Variants in DHRSX observed in about 807,000 individuals in gnomAD.
The protein encoded by DHRSX is polyprenol dehydrogenase.
Under a neutral mutation model 34.0 loss-of-function variants are expected in DHRSX, and 31 were observed. The ratio of observed to expected loss-of-function variants is 0.91; its 90% CI spans 0.69 to 1.23. The LOEUF is 1.23. DHRSX is among the 50% of genes most tolerant of loss of function. The pLI is 0.00. For synonymous variants in DHRSX, 201 were observed against 183.8 expected, an observed-to-expected ratio of 1.09 and a Z score of -0.76; for missense variants, 414 against 428.1, an observed-to-expected ratio of 0.97 and a Z score of 0.29.
chrX:2,348,727 C>G (rs1052211515), intron 3 of DHRSX, among the ~76,000 whole-genome samples: 1 of 151,050 alleles, frequency 6.6e-6, no homozygotes, highest in African/African-American at 2.4e-5. Flanking sequence ...GTTGAGAGAG[C>G]CTGTTGCCCA....
intron 3 of DHRSX, among the ~76,000 whole-genome samples, chrX:2,351,765 G>C (rs1355573107): frequency 1.3e-5 from 2 of 152,200 alleles, no homozygotes; most frequent in Non-Finnish European, 2.9e-5. Flanking sequence ...TGTCGCCCAG[G>C]CTGGAGTGCA....
intron 3 of DHRSX, among the ~76,000 whole-genome samples, chrX:2,297,072 A>G (rs1003670082): frequency 1.3e-5 from 2 of 152,072 alleles, no homozygotes; most frequent in Non-Finnish European, 2.9e-5. Flanking sequence ...AGCTGTGAGC[A>G]TCATCTTGGG....
At chrX:2,379,604 T>TTTG (rs2124609061) in intron 3 of DHRSX, among the ~76,000 whole-genome samples, 1 of 149,346 alleles carries the variant, frequency 6.7e-6, no homozygotes, top group Non-Finnish European at 1.5e-5. Context: ...GGTTTTTTTT[T>TTTG]TTTTTTTTTT....
At chrX:2,476,962 A>G (rs1290868427) in intron 1 of DHRSX, among the ~76,000 whole-genome samples, 1 of 152,156 alleles carries the variant, frequency 6.6e-6, no homozygotes, top group African/African-American at 2.4e-5. Flanking sequence ...AGATCATACC[A>G]CTGCACTCCA....
chrX:2,498,479 T>C (rs2045334102), intron 1 of DHRSX, among the ~76,000 whole-genome samples: 1 of 152,170 alleles, frequency 6.6e-6, no homozygotes, highest in South Asian at 2.1e-4. Flanking sequence ...AGGGGCTCGA[T>C]GAGGGCAAGC....
chrX:2,336,604 GTTTT>G (rs111267342), intron 3 of DHRSX, among the ~76,000 whole-genome samples: 2 of 143,436 alleles, frequency 1.4e-5, no homozygotes, highest in African/African-American at 2.5e-5. Context: ...TTTTTGTTTT[GTTTT>G]TTTTTTTTGA....
intron 1 of DHRSX, among the ~76,000 whole-genome samples, chrX:2,438,189 A>C (rs1453297806): frequency 6.6e-6 from 1 of 151,076 alleles, no homozygotes; most frequent in Non-Finnish European, 1.5e-5. Flanking sequence ...AAAAAAAAAA[A>C]AAAAACCTGA....
At chrX:2,270,734 C>T (rs2041539682) in intron 4 of DHRSX, among the ~76,000 whole-genome samples, 1 of 152,168 alleles carries the variant, frequency 6.6e-6, no homozygotes, top group Non-Finnish European at 1.5e-5. Flanking sequence ...GCTTTTGAGA[C>T]GTGAAGCCAC....
At chrX:2,226,411 GTTC>G (rs1373024992) in intron 6 of DHRSX, among the ~76,000 whole-genome samples, 1 of 152,116 alleles carries the variant, frequency 6.6e-6, no homozygotes, top group Non-Finnish European at 1.5e-5. Flanking sequence ...TCATGGGACT[GTTC>G]AAGAACACCA....
intron 3 of DHRSX, among the ~76,000 whole-genome samples, chrX:2,336,068 C>T (rs191444594): frequency 9.2e-5 from 14 of 151,986 alleles, no homozygotes; most frequent in African/African-American, 2.9e-4. Flanking sequence ...AGTGCAGTGG[C>T]GTGATCTCGG....
chrX:2,457,347 G>A (rs937885634), intron 1 of DHRSX, among the ~76,000 whole-genome samples: 1 of 152,036 alleles, frequency 6.6e-6, no homozygotes, highest in African/African-American at 2.4e-5. Context: ...TGTGGCCAAG[G>A]GACCACCACC....
At chrX:2,309,415 A>G (rs1426404305) in intron 3 of DHRSX, among the ~76,000 whole-genome samples, 1 of 152,192 alleles carries the variant, frequency 6.6e-6, no homozygotes, top group African/African-American at 2.4e-5. Context: ...GAAGAAAAAA[A>G]TCATAAAAAT....
intron 3 of DHRSX, among the ~76,000 whole-genome samples, chrX:2,402,695 C>G (rs6642058): frequency 6.6e-6 from 1 of 151,138 alleles, no homozygotes; most frequent in Non-Finnish European, 1.5e-5. Flanking sequence ...AGATTTTAAA[C>G]TTTTTTCTTT....
rs185419312 is a variant in DHRSX at position 2,449,328 on chromosome X, G to A, written c.110-24024C>T. 2.7e-3 allele frequency among the ~76,000 whole-genome samples: 415 copies of A among 152,272 alleles called. 2 individuals are homozygous for A. Among genetic ancestry groups the A allele is most frequent in the South Asian group, 7.3e-3 (35 of 4,824 alleles). On this transcript the variant is annotated intron_variant, in intron 1 of 6. Coordinates refer to ENST00000334651, the MANE Select transcript of DHRSX (RefSeq NM_145177.3). ...GCCGGGCCTGCTCAGGAGGGTTGGT[G>A]AGATCAGGCTGTCCCCTAACACACA...
chrX:2,426,503 ATTCCTTCCTTCCCTCCCTTT>A (rs1470300666), intron 1 of DHRSX, among the ~76,000 whole-genome samples: 1 of 63,580 alleles, frequency 1.6e-5, no homozygotes, highest in Non-Finnish European at 3.1e-5. Flanking sequence ...TCCTTTCTTC[ATTCCTTCCTTCCCTCCCTTT>A]TTCCTTCCTT....
chrX:2,314,471 A>AAGGAAGGAAGGAAGGAAGGAAGGAAGGG (rs2042215698), intron 3 of DHRSX, among the ~76,000 whole-genome samples: 1 of 27,648 alleles, frequency 3.6e-5, no homozygotes, highest in African/African-American at 1.4e-4. Context: ...GGAAGGGGAG[A>AAGGAAGGAAGGAAGGAAGGAAGGAAGGG]AGGAAGGAAG....
intron 6 of DHRSX, among the ~76,000 whole-genome samples, chrX:2,242,334 G>A (rs906978690): frequency 6.9e-6 from 1 of 144,084 alleles, no homozygotes; most frequent in Non-Finnish European, 1.5e-5. Flanking sequence ...CACCCACCGA[G>A]CTCGCACACA....
chrX:2,269,416 T>C lies in DHRSX; in HGVS notation c.389-2469A>G, dbSNP rs139830875. On this transcript the variant is annotated intron_variant, in intron 4 of 6. Transcript: ENST00000334651. ...TTTTATATGGAGATATCTACACATA[T>C]ATAGGCCTAGCATTTCTCTACTTAT... Among the ~76,000 whole-genome samples, 497 of 152,366 alleles carry C rather than the reference T, an allele frequency of 3.3e-3. 1 individual carries two copies. The highest frequency in any genetic ancestry group is 5.3e-3 in the Non-Finnish European group (360 of 68,032).
chrX:2,323,437 C>A (rs1368989007), intron 3 of DHRSX, among the ~76,000 whole-genome samples: 1 of 152,052 alleles, frequency 6.6e-6, no homozygotes, highest in Non-Finnish European at 1.5e-5. Flanking sequence ...CAGGCCAAGG[C>A]AGAAACAAGC....
Sources: gnomAD v4.1 joint callset for allele counts (sites outside exome capture counted in the v4.1 genomes callset) on GRCh38, gnomAD v4.1.1 for gene constraint, MANE v1.5 for transcripts, NCBI Gene and HGNC (gene_info 2026-07-23, HGNC 2026-07-21) for gene names.